Variants in LYZL4 observed in about 807,000 individuals in gnomAD.
The protein encoded by LYZL4 is lysozyme like 4, also known as lysozyme-like protein 4.
In LYZL4, 13 loss-of-function variants were observed where a neutral mutation model predicts 17.6. That is an observed-to-expected ratio of 0.74 (90% CI 0.48 to 1.18). The LOEUF (loss-of-function observed/expected upper bound fraction) is 1.18, where lower values mean the gene tolerates loss of function less well. Among genes scored for constraint, LYZL4 ranks in the 50% most tolerant of loss-of-function variants. The probability of loss-of-function intolerance (pLI) is 0.00; values close to 1 mark genes in which losing one functional copy is unlikely to be tolerated. For missense variants in LYZL4, 174 were observed against 188.2 expected, an observed-to-expected ratio of 0.92 and a Z score of 0.44; for synonymous variants, 64 against 67.7, an observed-to-expected ratio of 0.95 and a Z score of 0.27.
chr3:42,364,346 T>C, the LYZL4 span, among the ~76,000 whole-genome samples: 11 of 147,980 alleles, frequency 7.4e-5, no homozygotes, highest in African/African-American at 1.5e-4. Flanking sequence ...CTTTTCTTTT[T>C]TTTTTTTTTT....
the LYZL4 span, among the ~76,000 whole-genome samples, chr3:42,361,923 C>T: frequency 1.3e-5 from 2 of 152,244 alleles, no homozygotes; most frequent in Admixed American, 6.5e-5. Flanking sequence ...ACCATTATCA[C>T]CCAAGGTCCA....
chr3:42,406,746 C>T (rs912823528), intron 3 of LYZL4, 100 bp downstream of exon 3: 2 of 1,475,976 alleles, frequency 1.4e-6, no homozygotes, highest in African/African-American at 1.4e-5. Flanking sequence ...ACACCCTCTT[C>T]TTTGTAAAAC....
chr3:42,389,253 C>T, the LYZL4 span, among the ~76,000 whole-genome samples: 1 of 152,324 alleles, frequency 6.6e-6, no homozygotes, highest in East Asian at 1.9e-4. Context: ...CTGACAGAAA[C>T]TGTTCTGGAC....
chr3:42,378,685 G>A, the LYZL4 span, among the ~76,000 whole-genome samples: 167 of 152,232 alleles, frequency 1.1e-3, no homozygotes, highest in African/African-American at 3.9e-3. Flanking sequence ...ACGTGTTAAG[G>A]TGCACTACCT....
rs777186667 is a variant in LYZL4 at position 42,404,059 on chromosome 3, C to A, written c.358G>T (p.Gly120Trp). The A allele has an allele frequency of 1.9e-6, 3 of 1,609,376 alleles. No individual in the cohort carries two copies. In the African/African-American group the frequency reaches 4.0e-5, roughly 22 times the overall value. ...CAKTIVKGKE[G>W]MGAWPTWSRY... ...TGTAAGACTTACCATGCTCCCATCC[C>A]TTCTTTTCCTTTTACAATGGTCTTG... Residue 120 changes from glycine (G) to tryptophan (W), a missense_variant, in exon 4 of 5, where the codon GGG becomes TGG. Transcript: ENST00000287748.
At chr3:42,392,043 A>AT in the LYZL4 span, among the ~76,000 whole-genome samples, 18 of 150,910 alleles carry the variant, frequency 1.2e-4, no homozygotes, top group Non-Finnish European at 2.2e-4. Flanking sequence ...AACTTTTTGT[A>AT]TTTTTTTTTG....
the LYZL4 span, among the ~76,000 whole-genome samples, chr3:42,390,912 T>C: frequency 6.6e-6 from 1 of 152,134 alleles, no homozygotes; most frequent in African/African-American, 2.4e-5. Context: ...TTGCACCTGG[T>C]TTTGGTGGAG....
Position 42,406,916 on chromosome 3 carries a change from G to T in LYZL4, c.222C>A (p.Gly74=), listed in dbSNP as rs140304359. The change falls in exon 3 of 5, where the codon GGC becomes GGA. Residue 74 remains glycine (G), a synonymous_variant. Transcript: ENST00000287748. ...ENTREGYTGF[G]LFQMRGSDWC... ...AGTCACTGCCACGCATCTGAAAGAGGCCAAAGCCAGTGTAGCCCTCACGTG... is the reference window on the plus strand; with the variant it reads ...AGTCACTGCCACGCATCTGAAAGAGTCCAAAGCCAGTGTAGCCCTCACGTG... The T allele has an allele frequency of 2.4e-3, 3,855 of 1,614,200 alleles. 14 individuals are homozygous for T. The highest frequency in any genetic ancestry group is 0.011 in the African/African-American group (850 of 75,054).
chr3:42,408,362 T>C (rs1470567117), intron 1 of LYZL4, among the ~76,000 whole-genome samples: 4 of 152,170 alleles, frequency 2.6e-5, no homozygotes, highest in African/African-American at 9.7e-5. Flanking sequence ...CCTCTGCACC[T>C]CCCCACTCCA....
chr3:42,406,982 G>A lies in LYZL4; in HGVS notation c.156C>T (p.Tyr52=). ...YSLENWVCLA[Y]FESKFNPMAI... is the part of the protein sequence containing the mutation. The stretch of plus-strand genomic sequence containing the variant: ...CCATGGGGTTGAACTTGCTCTCGAA[G>A]TAGGCCAGGCACACCCCTAAGATGG... Residue 52 remains tyrosine, a synonymous_variant, in exon 3 of 5, where the codon TAC becomes TAT. Coordinates refer to ENST00000287748, the MANE Select transcript of LYZL4 (RefSeq NM_144634.4). 1 of 1,614,216 alleles carries A rather than the reference G, an allele frequency of 6.2e-7. No homozygotes were observed. Among genetic ancestry groups the A allele is most frequent in the Non-Finnish European group, 8.5e-7 (1 of 1,180,044 alleles).
In LYZL4 at chr3:42,410,547, C is replaced by T. The variant is rs1266160322; in HGVS notation, c.-223G>A. On this transcript the variant is annotated 5_prime_UTR_variant, in exon 1 of 5. Coordinates refer to ENST00000287748, the MANE Select transcript of LYZL4 (RefSeq NM_144634.4). ...CCTACATTTGGTTCCTTGGGTTTTT[C>T]AGATGCTACTTCATTAATCATCCAC... 1 of 152,194 alleles carries T rather than the reference C, an allele frequency of 6.6e-6. No individual in the cohort carries two copies. Among genetic ancestry groups the T allele is most frequent in the African/African-American group, 2.4e-5 (1 of 41,442 alleles). The allele number at this position is 152,194 out of a possible 1,614,324, so 9.4% of individuals were successfully genotyped here.
intron 4 of LYZL4, among the ~76,000 whole-genome samples, chr3:42,403,427 T>C (rs1464661891): frequency 6.6e-6 from 1 of 151,982 alleles, no homozygotes; most frequent in African/African-American, 2.4e-5. Context: ...ACCCGACTTA[T>C]TTTATTTTAT....
chr3:42,407,180 A>G lies in LYZL4; in HGVS notation c.72T>C (p.Arg24=), dbSNP rs376664688. 120 of 1,614,052 alleles carry G rather than the reference A, an allele frequency of 7.4e-5. No individual in the cohort carries two copies. The highest frequency in any genetic ancestry group is 1.0e-4 in the Non-Finnish European group (119 of 1,180,044). Residue 24 remains arginine, a synonymous_variant, in exon 2 of 5, where the codon CGT becomes CGC. Coordinates refer to ENST00000287748, the MANE Select transcript of LYZL4 (RefSeq NM_144634.4). The part of the protein sequence containing the change: ...VVPSGAYILG[R]CTVAKKLHDG... ...CGTGGAGTTTCTTAGCCACTGTGCA[A>G]CGCCCCAAGATGTAAGCACCACTTG...
the LYZL4 span, among the ~76,000 whole-genome samples, chr3:42,391,935 T>C: frequency 1.3e-5 from 2 of 151,844 alleles, no homozygotes; most frequent in Admixed American, 1.3e-4. Flanking sequence ...AGTGCAGTGG[T>C]GCGATCTCAC....
the LYZL4 span, among the ~76,000 whole-genome samples, chr3:42,387,934 C>T: frequency 6.6e-6 from 1 of 152,278 alleles, no homozygotes; most frequent in East Asian, 1.9e-4. Context: ...CCTTTCCCAC[C>T]TGTCAGCCAA....
At chr3:42,410,217 A>G (rs910627002) in intron 1 of LYZL4, among the ~76,000 whole-genome samples, 200 bp downstream of exon 1, 1 of 152,158 alleles carries the variant, frequency 6.6e-6, no homozygotes, top group Non-Finnish European at 1.5e-5. Context: ...TTTTCTCTTC[A>G]TTATCCCCAG....
At chr3:42,383,786 G>T in the LYZL4 span, among the ~76,000 whole-genome samples, 10 of 152,008 alleles carry the variant, frequency 6.6e-5, no homozygotes, top group African/African-American at 2.2e-4. Flanking sequence ...TAAATGGAAG[G>T]TTTGAAAGAA....
At chr3:42,377,957 C>T in the LYZL4 span, among the ~76,000 whole-genome samples, 1 of 152,174 alleles carries the variant, frequency 6.6e-6, no homozygotes, top group Non-Finnish European at 1.5e-5. Flanking sequence ...CTATGTCTCT[C>T]AGTTCAAGGA....
the LYZL4 span, among the ~76,000 whole-genome samples, chr3:42,385,366 C>T: frequency 6.6e-6 from 1 of 152,120 alleles, no homozygotes; most frequent in South Asian, 2.1e-4. Context: ...ATACTTAGCA[C>T]TGTGTTGCAA....
Sources: gnomAD v4.1 joint callset for allele counts (sites outside exome capture counted in the v4.1 genomes callset) on GRCh38, gnomAD v4.1.1 for gene constraint, MANE v1.5 for transcripts, NCBI Gene and HGNC (gene_info 2026-07-23, HGNC 2026-07-21) for gene names.